Variants in PABIR3 observed in about 807,000 individuals in gnomAD.
The protein encoded by PABIR3 is PABIR family member 1.
In PABIR3, 20 loss-of-function variants were observed where a neutral mutation model predicts 23.1. The ratio of observed to expected loss-of-function variants is 0.86; its 90% CI spans 0.61 to 1.26. The LOEUF is 1.26. PABIR3 is among the 50% of genes most tolerant of loss of function. The pLI is 0.00. For missense variants in PABIR3, 189 were observed against 195.4 expected (o/e 0.97, Z 0.20); for synonymous variants, 69 against 68.5 (o/e 1.01, Z -0.04).
At chrX:134,803,445 T>C (rs985986997), upstream of PABIR3, among the ~76,000 whole-genome samples, 1 of 112,814 alleles carries the variant, frequency 8.9e-6, no homozygotes, top group Non-Finnish European at 1.9e-5. Context: ...GTAATAGTTC[T>C]GAAATTGCTT....
At chrX:134,847,030 C>T (rs772101232) in intron 6 of PABIR3, among the ~76,000 whole-genome samples, 86 of 111,965 alleles carry the variant, frequency 7.7e-4, no homozygotes, top group Non-Finnish European at 1.4e-3. Context: ...TGGTCCTTTC[C>T]TGGATGTAGT....
At chrX:134,862,543 A>C in the PABIR3 span, among the ~76,000 whole-genome samples, 1 of 112,158 alleles carries the variant, frequency 8.9e-6, no homozygotes, top group Non-Finnish European at 1.9e-5. Context: ...AAAAACTTAC[A>C]GTTTCTAGGA....
At chrX:134,850,952 C>T (rs1296970232) in intron 9 of PABIR3, among the ~76,000 whole-genome samples, 1 of 111,889 alleles carries the variant, frequency 8.9e-6, no homozygotes, top group Non-Finnish European at 1.9e-5. Context: ...TTCATTTGGC[C>T]ATTTTTGGCC....
chrX:134,814,720 A>AAT, intron 2 of PABIR3, 51 bp from the exon 3 acceptor site: 3 of 942,957 alleles, frequency 3.2e-6, no homozygotes, highest in Non-Finnish European at 4.4e-6. Context: ...AAAAAAAAAA[A>AAT]GAATTTTGTA....
chrX:134,862,346 C>T, the PABIR3 span, among the ~76,000 whole-genome samples: 5 of 110,105 alleles, frequency 4.5e-5, no homozygotes, highest in African/African-American at 1.7e-4. Flanking sequence ...GACAGGGTTT[C>T]ACTGTGTTGG....
At position 134,854,566 on chromosome X, in the gene PABIR3, A is replaced by G. The variant is rs1323545510; in HGVS notation, c.*349A>G. On this transcript the variant is annotated 3_prime_UTR_variant, in exon 11 of 11. Coordinates refer to ENST00000645433, the MANE Select transcript of PABIR3 (RefSeq NM_001388447.1). ...TTATGAAACATAATTCTGATAAAAT[A>G]TAATTGTTCAATTAACAAAGTAAAA... The G allele has an allele frequency of 2.2e-5, 3 of 136,207 alleles. No homozygotes were observed. Among genetic ancestry groups the G allele is most frequent in the Non-Finnish European group, 4.3e-5 (3 of 69,741 alleles). 11.2% of individuals were successfully genotyped at this position (136,207 alleles called of 1,213,427 possible).
chrX:134,849,797 G>A (rs1212843724), intron 9 of PABIR3, among the ~76,000 whole-genome samples: 5 of 102,428 alleles, frequency 4.9e-5, no homozygotes, highest in African/African-American at 1.8e-4. Flanking sequence ...GTGGAAAGAT[G>A]TCTTTTTTAA....
At chrX:134,828,039 C>CTATATA (rs1174836921) in intron 3 of PABIR3, among the ~76,000 whole-genome samples, 58 of 73,384 alleles carry the variant, frequency 7.9e-4, no homozygotes, top group Non-Finnish European at 1.3e-3. Flanking sequence ...CTCTCTCTCT[C>CTATATA]TCTCTCTCTA....
In PABIR3 at chrX:134,847,419, T is replaced by C. The variant is rs1484271422; in HGVS notation, c.382T>C (p.Cys128Arg). ...CTTACAGAAATCATCCTCTCTAAAG[T>C]GCATTGATTTAACTCCAGTATCCTC... ...NGLQKSSSLK[C>R]IDLTPVSSMA... is the part of the protein sequence containing the mutation. The change falls in exon 7 of 11, where the codon TGC becomes CGC. Residue 128 changes from cysteine to arginine, a missense_variant. Transcript: ENST00000645433. 2.5e-6 allele frequency: 3 copies of C among 1,206,955 alleles called. No individual in the cohort carries two copies. The highest frequency in any genetic ancestry group is 3.5e-5 in the African/African-American group (2 of 57,178).
chrX:134,821,198 G>A (rs2081270398), intron 3 of PABIR3: 1 of 622,914 alleles, frequency 1.6e-6, no homozygotes, highest in Admixed American at 5.1e-5. Context: ...ATGGGTTTTT[G>A]TGTTGAATGA....
At chrX:134,842,635 C>T (rs897435449) in intron 4 of PABIR3, among the ~76,000 whole-genome samples, 10 of 111,523 alleles carry the variant, frequency 9.0e-5, no homozygotes, top group African/African-American at 2.9e-4. Flanking sequence ...CAGTGGCTCA[C>T]GCCTGTAATC....
intron 3 of PABIR3, among the ~76,000 whole-genome samples, chrX:134,828,069 A>ATGTATATT (rs2081602868): frequency 1.0e-5 from 1 of 98,856 alleles, no homozygotes; most frequent in Admixed American, 1.2e-4. Flanking sequence ...ATATATATAT[A>ATGTATATT]TGTATATTTG....
Position 134,838,686 on chromosome X carries a change from C to T in PABIR3, c.247-6519C>T, listed in dbSNP as rs1457928675. ...CCCCCTCCCCCCCTCCCCCCTCCCC[C>T]TCCCTCTCCCCACGGTCTCCCTCTC... On this transcript the variant is annotated intron_variant, in intron 4 of 10. Coordinates refer to ENST00000645433, the MANE Select transcript of PABIR3 (RefSeq NM_001388447.1). 7.2e-5 allele frequency: 3 copies of T among 41,423 alleles called. No individual in the cohort carries two copies. The Admixed American group carries it at 8.5e-4, about 12-fold the overall frequency. The allele number at this position is 41,423 out of a possible 1,213,427, so 3.4% of individuals were successfully genotyped here.
intron 3 of PABIR3, among the ~76,000 whole-genome samples, chrX:134,819,544 T>G (rs940213042): frequency 5.4e-5 from 6 of 111,485 alleles, no homozygotes; most frequent in Non-Finnish European, 1.1e-4. Context: ...GAGAATGACA[T>G]GATGAATTAG....
At chrX:134,863,438 TGA>T in the PABIR3 span, among the ~76,000 whole-genome samples, 1 of 110,858 alleles carries the variant, frequency 9.0e-6, no homozygotes, top group African/African-American at 3.3e-5. Flanking sequence ...GAAAAAAAAA[TGA>T]GAGAGCTTCT....
At chrX:134,849,887 T>TTTTTTTC (rs1556344204) in intron 9 of PABIR3, among the ~76,000 whole-genome samples, 1 of 90,295 alleles carries the variant, frequency 1.1e-5, no homozygotes, top group African/African-American at 4.2e-5. Flanking sequence ...TTTTTTTTTT[T>TTTTTTTC]CTTGAGACAG....
rs762109764 is a variant in PABIR3 at position 134,841,189 on chromosome X, G to C, written c.247-4016G>C. Among the ~76,000 whole-genome samples the C allele has an allele frequency of 2.7e-5, 3 of 109,506 alleles. No homozygotes were observed. The East Asian group carries it at 8.8e-4, about 32-fold the overall frequency. Reference sequence around the variant, plus strand: ...TGTTACCCAGGCTGATCTCGAACTCGTGAGCTCAAGGATTCCTCCTGCCTT... The same window carrying C: ...TGTTACCCAGGCTGATCTCGAACTCCTGAGCTCAAGGATTCCTCCTGCCTT... On this transcript the variant is annotated intron_variant, in intron 4 of 10. Coordinates refer to ENST00000645433, the MANE Select transcript of PABIR3 (RefSeq NM_001388447.1).
At chrX:134,797,024 G>C (rs1018120447) in intron 1 of PABIR3, 1 of 113,919 alleles carries the variant, frequency 8.8e-6, no homozygotes, top group African/African-American at 3.2e-5. Context: ...CAGGTTGGGG[G>C]TTCGGCCTCT....
At chrX:134,826,889 A>G (rs948185061) in intron 3 of PABIR3, among the ~76,000 whole-genome samples, 1 of 112,345 alleles carries the variant, frequency 8.9e-6, no homozygotes, top group African/African-American at 3.2e-5. Context: ...TTAAAACCCA[A>G]CAAAAATTCA....
Sources: allele counts gnomAD v4.1 joint callset (sites outside exome capture counted in the v4.1 genomes callset), GRCh38; gene constraint gnomAD v4.1.1; transcripts MANE v1.5; gene names NCBI Gene and HGNC (gene_info 2026-07-23, HGNC 2026-07-21).